Variants in FYB2 observed in about 807,000 individuals in gnomAD.
FYB2 encodes the protein FYN binding protein 2, also known as FYN-binding protein 2.
A neutral mutation model predicts 94.1 loss-of-function variants in FYB2; 103 were observed. That is an observed-to-expected ratio of 1.09 (90% CI 0.93 to 1.29). The LOEUF (loss-of-function observed/expected upper bound fraction) is 1.29, where lower values mean the gene tolerates loss of function less well. Among genes scored for constraint, FYB2 ranks in the 50% most tolerant of loss-of-function variants. The pLI is 0.00. For missense variants in FYB2, 896 were observed against 841.5 expected, an observed-to-expected ratio of 1.06 and a Z score of -0.80; for synonymous variants, 293 against 287.9, an observed-to-expected ratio of 1.02 and a Z score of -0.18.
In FYB2 at chr1:56,744,222, G is replaced by C. The variant is rs752316570; in HGVS notation, c.1432C>G (p.Leu478Val). ...ATGGAACTTGTCTTAGAGACCCCTA[G>C]GTCTGGAGTTTCTTTAGTTGACTCC... ...VLESTKETPD[L>V]GVSKTSSISE... The change falls in exon 10 of 20, where the codon CTA becomes GTA. Residue 478 changes from leucine (L) to valine (V), a missense_variant. Physicochemically the swap from Leu to Val is conservative, Grantham distance 32. Coordinates refer to ENST00000343433, the MANE Select transcript of FYB2 (RefSeq NM_001004303.5). 5 of 1,612,254 alleles carry C rather than the reference G, an allele frequency of 3.1e-6. No individual in the cohort carries two copies. In the South Asian group the frequency reaches 5.5e-5, roughly 18 times the overall value.
At chr1:56,809,570 T>C (rs1646719811) in intron 1 of FYB2, among the ~76,000 whole-genome samples, 1 of 152,140 alleles carries the variant, frequency 6.6e-6, no homozygotes, top group Non-Finnish European at 1.5e-5. Flanking sequence ...GTCTGAAAAA[T>C]ATTTGTTTTA....
intron 15 of FYB2, among the ~76,000 whole-genome samples, chr1:56,728,769 T>C (rs1250261630): frequency 2.0e-5 from 3 of 152,122 alleles, no homozygotes; most frequent in East Asian, 1.9e-4. Context: ...CAAAAAATCC[T>C]GTTTCAAAGC....
At chr1:56,742,751 AAACTC>A (rs1321719369) in intron 11 of FYB2, among the ~76,000 whole-genome samples, 1 of 152,070 alleles carries the variant, frequency 6.6e-6, no homozygotes, top group African/African-American at 2.4e-5. Context: ...TTTAGGTTCA[AAACTC>A]AACTTTAACA....
chr1:56,744,346 A>G lies in FYB2; in HGVS notation c.1388-80T>C, dbSNP rs535199423. ...CATTCACACACATCACTGGCAGTGG[A>G]GGCAAGCATAAGAAAAGGCAGATTA... On this transcript the variant is annotated intron_variant, in intron 9 of 19. Coordinates refer to ENST00000343433, the MANE Select transcript of FYB2 (RefSeq NM_001004303.5). 3.9e-4 allele frequency: 410 copies of G among 1,040,326 alleles called. No individual in the cohort carries two copies. In the African/African-American group the frequency reaches 6.1e-3, roughly 15 times the overall value. The allele number at this position is 1,040,326 out of a possible 1,614,324, so 64.4% of individuals were successfully genotyped here.
In FYB2 at chr1:56,814,509, C is replaced by T. The variant is rs1027332469; in HGVS notation, c.9+4773G>A. Among the ~76,000 whole-genome samples the T allele has an allele frequency of 1.5e-4, 23 of 152,184 alleles. 1 individual carries two copies. The highest frequency in any genetic ancestry group is 5.1e-4 in the African/African-American group (21 of 41,456). On this transcript the variant is annotated intron_variant, in intron 1 of 19. Transcript: ENST00000343433. ...ACATCAGCCCTCCAGTAGTACAGGT[C>T]ACTTAATGTGTCACTGTCAAGGACT...
chr1:56,794,055 C>G (rs1297711768), intron 1 of FYB2, among the ~76,000 whole-genome samples: 1 of 152,050 alleles, frequency 6.6e-6, no homozygotes, highest in Non-Finnish European at 1.5e-5. Flanking sequence ...CATAGTAGGC[C>G]CATGATAAAG....
At chr1:56,784,638 G>A (rs1188156300) in intron 4 of FYB2, among the ~76,000 whole-genome samples, 4 of 151,970 alleles carry the variant, frequency 2.6e-5, no homozygotes, top group Non-Finnish European at 4.4e-5. Context: ...AATATTTTTT[G>A]TCTGTGTATT....
At chr1:56,785,178 G>A (rs946298454) in intron 4 of FYB2, among the ~76,000 whole-genome samples, 5 of 152,182 alleles carry the variant, frequency 3.3e-5, no homozygotes, top group African/African-American at 1.2e-4. Context: ...TATCCTCCAT[G>A]TTGAAACAGA....
intron 1 of FYB2, among the ~76,000 whole-genome samples, chr1:56,814,793 T>C (rs1027776854): frequency 6.6e-6 from 1 of 152,122 alleles, no homozygotes; most frequent in Non-Finnish European, 1.5e-5. Flanking sequence ...CTTGTGTAGA[T>C]GTTACCCTAT....
At position 56,720,320 on chromosome 1, in the gene FYB2, CTT is replaced by C. The variant is rs1164523425; in HGVS notation, c.1982_1983del (p.Lys661ArgfsTer14). ...KLFRERFKYD[K>X]EIIVINTAVA... Reference sequence around the variant, plus strand: ...ACTGCTGTATTGATGACAATAATCTCTTTGTCGTACTGAAATGAGAAATTACT... The same window carrying C: ...ACTGCTGTATTGATGACAATAATCTCTGTCGTACTGAAATGAGAAATTACT... On this transcript the variant is annotated frameshift_variant, in exon 18 of 20. Coordinates refer to ENST00000343433, the MANE Select transcript of FYB2 (RefSeq NM_001004303.5). LOFTEE classifies it high-confidence loss of function. The C allele has an allele frequency of 3.8e-6, 6 of 1,597,620 alleles. No individual in the cohort carries two copies. In the African/African-American group the frequency reaches 8.1e-5, roughly 22 times the overall value.
At chr1:56,823,642 T>C (rs1647006285), upstream of FYB2, 1 of 152,204 alleles carries the variant, frequency 6.6e-6, no homozygotes, top group South Asian at 2.1e-4. Context: ...AGAGCTTTTT[T>C]GAAGGATGCT....
At chr1:56,787,364 G>A (rs528056548) in intron 3 of FYB2, among the ~76,000 whole-genome samples, 156 bp from the exon 4 acceptor site, 1 of 152,200 alleles carries the variant, frequency 6.6e-6, no homozygotes, top group Non-Finnish European at 1.5e-5. Flanking sequence ...GCACCCAGGG[G>A]ATGCCTGTCC....
At chr1:56,818,875 G>T (rs1274486061) in intron 1 of FYB2, among the ~76,000 whole-genome samples, 2 of 152,194 alleles carry the variant, frequency 1.3e-5, no homozygotes, top group East Asian at 1.9e-4. Context: ...CTAGCACCAA[G>T]CACTGCTCTC....
At chr1:56,825,241 A>G in the FYB2 span, 1 of 152,262 alleles carries the variant, frequency 6.6e-6, no homozygotes, top group East Asian at 1.9e-4. Context: ...CATTTTACAA[A>G]TGACAGAATA....
chr1:56,810,281 A>G (rs560651810), intron 1 of FYB2, among the ~76,000 whole-genome samples: 1 of 152,078 alleles, frequency 6.6e-6, no homozygotes, highest in Non-Finnish European at 1.5e-5. Flanking sequence ...CTTCTTCTGC[A>G]CTCACGGACA....
At chr1:56,721,347 TTTA>T (rs1204563792) in intron 17 of FYB2, among the ~76,000 whole-genome samples, 1 of 152,080 alleles carries the variant, frequency 6.6e-6, no homozygotes, top group Non-Finnish European at 1.5e-5. Context: ...TCTATAACTA[TTTA>T]TTATTATGAT....
At chr1:56,743,956 A>G in intron 11 of FYB2, 70 bp downstream of exon 11, 1 of 1,477,270 alleles carries the variant, frequency 6.8e-7, no homozygotes, top group African/African-American at 1.4e-5. Flanking sequence ...AAGACATCTT[A>G]TCACTAATCA....
intron 8 of FYB2, among the ~76,000 whole-genome samples, chr1:56,751,914 G>T (rs1439589662): frequency 6.6e-6 from 1 of 151,998 alleles, no homozygotes; most frequent in African/African-American, 2.4e-5. Context: ...GAGGAGGTTG[G>T]TTCTCTTGGC....
intron 3 of FYB2, 142 bp downstream of exon 3, chr1:56,788,831 G>T: frequency 8.2e-7 from 1 of 1,217,656 alleles, no homozygotes; most frequent in South Asian, 1.3e-5. Flanking sequence ...TGGGCAAGCT[G>T]CCACAGCCTC....
Sources: gnomAD v4.1 joint callset for allele counts (sites outside exome capture counted in the v4.1 genomes callset) on GRCh38, gnomAD v4.1.1 for gene constraint, MANE v1.5 for transcripts, NCBI Gene and HGNC (gene_info 2026-07-23, HGNC 2026-07-21) for gene names.